Variants in CACNA1H observed in about 807,000 individuals in gnomAD.
CACNA1H encodes the protein calcium voltage-gated channel subunit alpha1 H, also known as voltage-dependent T-type calcium channel subunit alpha-1H.
In CACNA1H, 149 loss-of-function variants were observed where a neutral mutation model predicts 192.5. The ratio of observed to expected loss-of-function variants is 0.77; its 90% CI spans 0.68 to 0.89. The LOEUF (loss-of-function observed/expected upper bound fraction) is 0.89, where lower values mean the gene tolerates loss of function less well. CACNA1H is among the 40% of genes least tolerant of loss of function. CACNA1H has a pLI of 0.00. For synonymous variants in CACNA1H, 2,202 were observed against 1,475.2 expected, an observed-to-expected ratio of 1.49 and a Z score of -11.29; for missense variants, 4,257 against 3,423.5, an observed-to-expected ratio of 1.24 and a Z score of -6.08.
chr16:1,205,158 C>T lies in CACNA1H; in HGVS notation c.2496C>T (p.Phe832=), dbSNP rs759794879. 5.0e-6 allele frequency: 8 copies of T among 1,612,892 alleles called. No individual in the cohort carries two copies. The highest frequency in any genetic ancestry group is 4.5e-5 in the East Asian group (2 of 44,900). The change falls in exon 11 of 35, where the codon TTC becomes TTT. Residue 832 remains phenylalanine (F), a synonymous_variant. Transcript: ENST00000348261. The part of the protein sequence containing the change: ...TNALEISNIV[F]TSMFALEMLL... ...CTCTGGAGATCAGCAACATCGTGTT[C>T]ACCAGCATGTTTGCCCTGGAGATGC...
intron 2 of CACNA1H, among the ~76,000 whole-genome samples, chr16:1,161,712 G>A (rs887784476): frequency 2.6e-5 from 4 of 152,212 alleles, no homozygotes; most frequent in East Asian, 1.9e-4. Context: ...ATGCGGTCCC[G>A]GGAGATAGGC....
intron 2 of CACNA1H, among the ~76,000 whole-genome samples, chr16:1,154,917 G>A (rs556255658): frequency 1.6e-4 from 24 of 152,266 alleles, no homozygotes; most frequent in African/African-American, 5.3e-4. Flanking sequence ...CTGTGTCAGG[G>A]CCGGGTCTCC....
At chr16:1,153,660 C>T (rs1222537458) in intron 1 of CACNA1H, 60 bp from the exon 2 acceptor site, 3 of 1,081,798 alleles carry the variant, frequency 2.8e-6, no homozygotes, top group South Asian at 4.7e-5. Context: ...CAGCTCCGCG[C>T]CGCGGGAGGC....
In CACNA1H at chr16:1,213,469, A is replaced by G. The variant is rs9328916; in HGVS notation, c.4778-311A>G. ...CCCACTCCTGGGGGCTGCCTGGCGC[A>G]ACCGCGTTGCTGAGGAGGAGGTTAG... On this transcript the variant is annotated intron_variant, in intron 26 of 34. Transcript: ENST00000348261. Among the ~76,000 whole-genome samples the G allele has an allele frequency of 0.99, 150,738 of 152,254 alleles. 74,629 individuals are homozygous for G. The highest frequency in any genetic ancestry group is 1 in the East Asian group (5,140 of 5,140).
At chr16:1,219,569 T>G (rs561190136) in intron 34 of CACNA1H, among the ~76,000 whole-genome samples, 2 of 152,352 alleles carry the variant, frequency 1.3e-5, no homozygotes, top group South Asian at 4.1e-4. Context: ...CTTGCCCACC[T>G]GCAGCCTCAG....
At chr16:1,201,266 G>A (rs894592041) in intron 8 of CACNA1H, among the ~76,000 whole-genome samples, 1 of 152,162 alleles carries the variant, frequency 6.6e-6, no homozygotes, top group African/African-American at 2.4e-5. Flanking sequence ...CTTGTTCTGA[G>A]AGAGCAAGCG....
In CACNA1H at chr16:1,202,599, C is replaced by T. The variant is rs9924677; in HGVS notation, c.2002+147C>T. On this transcript the variant is annotated intron_variant, in intron 9 of 34. Coordinates refer to ENST00000348261, the MANE Select transcript of CACNA1H (RefSeq NM_021098.3). ...AAACAGACCAGCTATGCCTCTGGAG[C>T]CCATAAGAAGGGGAAAGAGGCAGGT... The T allele has an allele frequency of 0.11, 84,493 of 743,334 alleles. 5,674 individuals are homozygous for T. The highest frequency in any genetic ancestry group is 0.14 in the South Asian group (6,052 of 43,654). 46.0% of individuals were successfully genotyped at this position (743,334 alleles called of 1,614,324 possible).
intron 2 of CACNA1H, among the ~76,000 whole-genome samples, chr16:1,173,407 C>T (rs893500081): frequency 6.6e-6 from 1 of 152,232 alleles, no homozygotes; most frequent in Non-Finnish European, 1.5e-5. Flanking sequence ...CCTCGGGCCC[C>T]TTCACGCTGG....
Position 1,201,711 on chromosome 16 carries a change from C to G in CACNA1H, c.1261C>G (p.Gln421Glu), listed in dbSNP as rs1310010647. The change falls in exon 9 of 35, where the codon CAG (glutamine) becomes GAG (glutamate). Residue 421 changes from glutamine (Q) to glutamate (E), a missense_variant. Gln to Glu is a conservative substitution (Grantham distance 29, BLOSUM62 2). Coordinates refer to ENST00000348261, the MANE Select transcript of CACNA1H (RefSeq NM_021098.3). Reference protein sequence around the residue: ...INLCLVVIATQFSETKQRESQ... With the variant: ...INLCLVVIATEFSETKQRESQ... ...CCTGTGCCTGGTGGTGATTGCCACGCAGTTCTCGGAGACGAAGCAGCGGGA... is the reference window on the plus strand; with the variant it reads ...CCTGTGCCTGGTGGTGATTGCCACGGAGTTCTCGGAGACGAAGCAGCGGGA... The G allele has an allele frequency of 6.2e-7, 1 of 1,609,652 alleles. No individual in the cohort carries two copies. Among genetic ancestry groups the G allele is most frequent in the Non-Finnish European group, 8.5e-7 (1 of 1,177,904 alleles).
At chr16:1,182,509 A>T (rs1965576828) in intron 2 of CACNA1H, among the ~76,000 whole-genome samples, 2 of 151,922 alleles carry the variant, frequency 1.3e-5, no homozygotes, top group Non-Finnish European at 2.9e-5. Context: ...CCGGCTGGAG[A>T]CAAACACTCC....
intron 17 of CACNA1H, 94 bp from the exon 18 acceptor site, chr16:1,209,941 G>T (rs1278166127): frequency 1.2e-5 from 11 of 896,396 alleles, no homozygotes; most frequent in Non-Finnish European, 1.6e-5. Flanking sequence ...CTGAGAAGGT[G>T]CTGGGAGGGG....
At position 1,218,205 on chromosome 16, in the gene CACNA1H, C is replaced by T. The variant is rs780634581; in HGVS notation, c.5446-5C>T. Reference sequence around the variant, plus strand: ...ACCCCGGCCCACAGCTGTCCCCCACCGCAGGACACGCTGCGCGAGTGCTCC... The same window carrying T: ...ACCCCGGCCCACAGCTGTCCCCCACTGCAGGACACGCTGCGCGAGTGCTCC... On this transcript the variant is annotated splice_region_variant and splice_polypyrimidine_tract_variant and intron_variant, in intron 32 of 34. Coordinates refer to ENST00000348261, the MANE Select transcript of CACNA1H (RefSeq NM_021098.3). 32 of 1,547,518 alleles carry T rather than the reference C, an allele frequency of 2.1e-5. No homozygotes were observed. The highest frequency in any genetic ancestry group is 9.8e-5 in the Admixed American group (5 of 50,968).
chr16:1,164,753 C>T lies in CACNA1H; in HGVS notation c.299+10717C>T, dbSNP rs182462313. 4.1e-3 allele frequency among the ~76,000 whole-genome samples: 632 copies of T among 152,290 alleles called. 3 individuals carry two copies. The highest frequency in any genetic ancestry group is 0.014 in the Middle Eastern group (4 of 294). On this transcript the variant is annotated intron_variant, in intron 2 of 34. Coordinates refer to ENST00000348261, the MANE Select transcript of CACNA1H (RefSeq NM_021098.3). ...GCAGAGGGGCCTCCTGGGGTTCTGT[C>T]GGTGGAGCTGGGGTCTGGTGGTGCT... is the stretch of plus-strand genomic sequence containing the variant.
Position 1,220,616 on chromosome 16 carries a change from C to T in CACNA1H, c.6684C>T (p.His2228=), listed in dbSNP as rs781070013. 9 of 1,580,672 alleles carry T rather than the reference C, an allele frequency of 5.7e-6. No homozygotes were observed. The highest frequency in any genetic ancestry group is 7.7e-6 in the Non-Finnish European group (9 of 1,166,976). The change falls in exon 35 of 35, where the codon CAC becomes CAT. Residue 2228 remains histidine, a synonymous_variant. Coordinates refer to ENST00000348261, the MANE Select transcript of CACNA1H (RefSeq NM_021098.3). ...RRTPSCEATP[H]RDSLEPTEGS... Reference sequence around the variant, plus strand: ...CCCCGTCCTGTGAGGCCACGCCTCACAGGGACTCCCTGGAGCCCACAGAGG... The same window carrying T: ...CCCCGTCCTGTGAGGCCACGCCTCATAGGGACTCCCTGGAGCCCACAGAGG...
In CACNA1H at chr16:1,185,095, G is replaced by T. The variant is rs575443913; in HGVS notation, c.300-9877G>T. Among the ~76,000 whole-genome samples, 6 of 152,350 alleles carry T rather than the reference G, an allele frequency of 3.9e-5. No individual in the cohort carries two copies. In the South Asian group the frequency reaches 1.2e-3, roughly 32 times the overall value. On this transcript the variant is annotated intron_variant, in intron 2 of 34. Transcript: ENST00000348261. ...TTTGTCTCTGGGTTTGCCTGTGCGGGACTTTCCGTGTGACATGTGGTCCTT... is the reference window on the plus strand; with the variant it reads ...TTTGTCTCTGGGTTTGCCTGTGCGGTACTTTCCGTGTGACATGTGGTCCTT...
Position 1,220,333 on chromosome 16 carries a change from G to T in CACNA1H, c.6401G>T (p.Arg2134Met). The T allele has an allele frequency of 6.4e-7, 1 of 1,554,230 alleles. No homozygotes were observed. ...GCCGGCGGCGAGCGGGACCTGCGCA[G>T]GCTCTACAGCGTGGATGCTCAGGGC... ...PVAGGERDLR[R>M]LYSVDAQGFL... Residue 2134 changes from arginine to methionine, a missense_variant, in exon 35 of 35, where the codon AGG (arginine) becomes ATG (methionine). Physicochemically the swap from Arg to Met is moderately conservative, Grantham distance 91. Transcript: ENST00000348261.
chr16:1,193,636 C>T (rs1423097484), intron 2 of CACNA1H, among the ~76,000 whole-genome samples: 6 of 152,246 alleles, frequency 3.9e-5, no homozygotes, highest in Non-Finnish European at 1.5e-5. Flanking sequence ...TTTCTTGCAG[C>T]AGTGTTACAG....
At position 1,216,530 on chromosome 16, in the gene CACNA1H, G is replaced by A. The variant is rs529082786; in HGVS notation, c.5245-402G>A. Among the ~76,000 whole-genome samples the A allele has an allele frequency of 4.6e-5, 7 of 152,362 alleles. No individual in the cohort carries two copies. In the East Asian group the frequency reaches 5.8e-4, roughly 13 times the overall value. On this transcript the variant is annotated intron_variant, in intron 30 of 34. Transcript: ENST00000348261. ...TCAGCTGCGTGCTGGCCTGGGCCCCGCCATGGGATCTCTGAGGTAGCCGCT... is the reference window on the plus strand; with the variant it reads ...TCAGCTGCGTGCTGGCCTGGGCCCCACCATGGGATCTCTGAGGTAGCCGCT...
intron 12 of CACNA1H, chr16:1,206,627 C>T: frequency 2.3e-6 from 1 of 429,754 alleles, no homozygotes; most frequent in Non-Finnish European, 4.2e-6. Context: ...CCCGTCTAGC[C>T]TGGAGCTCAG....
Sources: gnomAD v4.1 joint callset for allele counts (sites outside exome capture counted in the v4.1 genomes callset) on GRCh38, gnomAD v4.1.1 for gene constraint, MANE v1.5 for transcripts, NCBI Gene and HGNC (gene_info 2026-07-23, HGNC 2026-07-21) for gene names.